Variants in DACH1 observed in about 807,000 individuals in gnomAD.
DACH1 encodes the protein dachshund homolog 1.
Under a neutral mutation model 54.2 loss-of-function variants are expected in DACH1, and 12 were observed. The observed-to-expected ratio is 0.22, with a 90% CI of 0.14 to 0.36. The LOEUF (loss-of-function observed/expected upper bound fraction) is 0.36, where lower values mean the gene tolerates loss of function less well. DACH1 is among the 10% of genes least tolerant of loss of function. DACH1 has a pLI of 1.00. For synonymous variants in DACH1, 386 were observed against 366.2 expected, an observed-to-expected ratio of 1.05 and a Z score of -0.62; for missense variants, 805 against 929.8, an observed-to-expected ratio of 0.87 and a Z score of 1.75.
Position 71,631,324 on chromosome 13 carries a change from G to A in DACH1, c.965-607C>T, listed in dbSNP as rs1342561795. 1.3e-5 allele frequency among the ~76,000 whole-genome samples: 2 copies of A among 151,944 alleles called. 1 individual carries two copies. On this transcript the variant is annotated intron_variant, in intron 2 of 10. Coordinates refer to ENST00000613252, the MANE Select transcript of DACH1 (RefSeq NM_080759.6). ...TCATTAGAAGTCTTCCCATTCCATGGCCCCCAGCTGCCTGGATGCCTGGTC... is the reference window on the plus strand; with the variant it reads ...TCATTAGAAGTCTTCCCATTCCATGACCCCCAGCTGCCTGGATGCCTGGTC...
chr13:71,552,792 A>AATATATATAT (rs1160125775), intron 6 of DACH1, among the ~76,000 whole-genome samples: 1 of 17,668 alleles, frequency 5.7e-5, no homozygotes. Context: ...TATGGATGTG[A>AATATATATAT]ATATATATAT....
chr13:71,516,144 C>A (rs573707324), intron 6 of DACH1, among the ~76,000 whole-genome samples: 1 of 151,690 alleles, frequency 6.6e-6, no homozygotes, highest in African/African-American at 2.4e-5. Flanking sequence ...ATTTTGCTGG[C>A]GGTTAATTTC....
chr13:71,440,514 ACTT>A lies in DACH1; in HGVS notation c.*138_*140del. 6.5e-6 allele frequency: 4 copies of A among 618,390 alleles called. No individual in the cohort carries two copies. The highest frequency in any genetic ancestry group is 1.1e-5 in the Non-Finnish European group (4 of 365,684). 38.3% of individuals were successfully genotyped at this position (618,390 alleles called of 1,614,324 possible). On this transcript the variant is annotated 3_prime_UTR_variant, in exon 11 of 11. Coordinates refer to ENST00000613252, the MANE Select transcript of DACH1 (RefSeq NM_080759.6). ...AAAACTTTTTTTTTTTTTGTAGAATACTTAAACTTTTAAAGAACATTAATACAC... is the reference window on the plus strand; with the variant it reads ...AAAACTTTTTTTTTTTTTGTAGAATAAAACTTTTAAAGAACATTAATACAC...
At chr13:71,700,711 C>T (rs1041844371) in intron 1 of DACH1, among the ~76,000 whole-genome samples, 4 of 151,994 alleles carry the variant, frequency 2.6e-5, no homozygotes, top group Admixed American at 6.6e-5. Context: ...CCTGAATGCA[C>T]AGATATAGTA....
At chr13:71,823,242 C>T (rs904917237) in intron 1 of DACH1, among the ~76,000 whole-genome samples, 2 of 152,080 alleles carry the variant, frequency 1.3e-5, no homozygotes, top group Admixed American at 6.5e-5. Context: ...CTTTTGTTTC[C>T]GTTAAAAATA....
At chr13:71,659,766 C>A (rs1879374140) in intron 2 of DACH1, among the ~76,000 whole-genome samples, 1 of 152,092 alleles carries the variant, frequency 6.6e-6, no homozygotes, top group Non-Finnish European at 1.5e-5. Context: ...TCATCTTACA[C>A]AGGAATTTAT....
chr13:71,516,783 T>G (rs1279399505), intron 6 of DACH1, among the ~76,000 whole-genome samples: 1 of 151,800 alleles, frequency 6.6e-6, no homozygotes, highest in Non-Finnish European at 1.5e-5. Flanking sequence ...AACTATTTAT[T>G]TCATCCATCT....
intron 1 of DACH1, among the ~76,000 whole-genome samples, chr13:71,783,124 G>A (rs1380673693): frequency 1.3e-5 from 2 of 152,118 alleles, no homozygotes; most frequent in Non-Finnish European, 2.9e-5. Flanking sequence ...ACACGTTCCT[G>A]CACAGAGAAA....
chr13:71,474,308 T>C (rs1479529405), intron 10 of DACH1, among the ~76,000 whole-genome samples: 5 of 152,204 alleles, frequency 3.3e-5, no homozygotes, highest in East Asian at 1.9e-4. Context: ...CGTCATATGA[T>C]ATCCTAAAAA....
intron 2 of DACH1, among the ~76,000 whole-genome samples, chr13:71,675,908 T>A (rs1485853527): frequency 6.6e-6 from 1 of 152,160 alleles, no homozygotes; most frequent in Non-Finnish European, 1.5e-5. Flanking sequence ...CTTTTCTGAG[T>A]TGTACTACAT....
At chr13:71,771,416 G>A (rs905747026) in intron 1 of DACH1, among the ~76,000 whole-genome samples, 14 of 151,352 alleles carry the variant, frequency 9.2e-5, no homozygotes, top group African/African-American at 3.4e-4. Flanking sequence ...AGTCGGCCAC[G>A]AAATTGTTGA....
At chr13:71,712,771 T>C (rs1012408061) in intron 1 of DACH1, among the ~76,000 whole-genome samples, 10 of 152,118 alleles carry the variant, frequency 6.6e-5, no homozygotes, top group African/African-American at 2.4e-4. Flanking sequence ...TAGTCAGCGT[T>C]AAATTATTTT....
intron 6 of DACH1, among the ~76,000 whole-genome samples, chr13:71,555,412 C>T (rs1026418224): frequency 1.3e-5 from 2 of 151,802 alleles, no homozygotes; most frequent in South Asian, 2.1e-4. Context: ...GGCGCGATCT[C>T]GGCTTACTGC....
intron 2 of DACH1, among the ~76,000 whole-genome samples, chr13:71,674,440 TACACACACACACACACACACAC>T (rs57078245): frequency 2.1e-5 from 3 of 141,046 alleles, no homozygotes; most frequent in South Asian, 2.4e-4. Context: ...AGGGAGATTT[TACACACACACACACACACACAC>T]ACACACACAC....
chr13:71,624,046 A>G (rs1876452747), intron 3 of DACH1, among the ~76,000 whole-genome samples: 1 of 151,926 alleles, frequency 6.6e-6, no homozygotes, highest in Non-Finnish European at 1.5e-5. Flanking sequence ...GTAATTCTCT[A>G]TCTTGTTTAA....
At position 71,440,156 on chromosome 13, in the gene DACH1, A is replaced by AT. The variant is rs567972345; in HGVS notation, c.*498dup. ...GAATGTAACAGAAAATCACTCTTGC[A>AT]TTTTTTTTTTTCAAGAATCCTCTAT... On this transcript the variant is annotated 3_prime_UTR_variant, in exon 11 of 11. Transcript: ENST00000613252. 258 of 142,742 alleles carry AT rather than the reference A, an allele frequency of 1.8e-3. No individual in the cohort carries two copies. The highest frequency in any genetic ancestry group is 4.6e-3 in the African/African-American group (180 of 39,224). The allele number at this position is 142,742 out of a possible 1,614,324, so 8.8% of individuals were successfully genotyped here.
intron 6 of DACH1, among the ~76,000 whole-genome samples, chr13:71,531,890 AT>A (rs1347828480): frequency 6.6e-6 from 1 of 151,846 alleles, no homozygotes; most frequent in African/African-American, 2.4e-5. Flanking sequence ...TAAATATTAT[AT>A]TTTTATATCA....
At chr13:71,726,533 C>A (rs1202114617) in intron 1 of DACH1, among the ~76,000 whole-genome samples, 1 of 151,754 alleles carries the variant, frequency 6.6e-6, no homozygotes, top group Non-Finnish European at 1.5e-5. Flanking sequence ...TTTTTGTCAT[C>A]CAATAAATAG....
In DACH1 at chr13:71,866,252, T is replaced by C. The variant is rs770356931; in HGVS notation, c.518A>G (p.Tyr173Cys). Residue 173 changes from tyrosine to cysteine, a missense_variant, in exon 1 of 11, where the codon TAC becomes TGC. Tyr to Cys is a radical substitution (Grantham distance 194). Around this residue, in one of 3 missense-constraint regions of DACH1, gnomAD observed 305 missense variants for 308.7 expected, o/e 0.99. Transcript: ENST00000613252. Reference sequence around the variant, plus strand: ...GTTTTCCACTGGGGACGGGGTTGAGTACACGGGTTTCCCGGGGAGGGGGCC... The same window carrying C: ...GTTTTCCACTGGGGACGGGGTTGAGCACACGGGTTTCCCGGGGAGGGGGCC... ...SCGPLPGKPV[Y>C]STPSPVENTP... The C allele has an allele frequency of 3.1e-6, 5 of 1,607,762 alleles. No individual in the cohort carries two copies. The highest frequency in any genetic ancestry group is 1.1e-5 in the South Asian group (1 of 90,314).
Sources: allele counts gnomAD v4.1 joint callset (sites outside exome capture counted in the v4.1 genomes callset), GRCh38; gene constraint gnomAD v4.1.1; regional missense constraint gnomAD v4.1.1; transcripts MANE v1.5; gene names NCBI Gene and HGNC (gene_info 2026-07-23, HGNC 2026-07-21).